The following NMNAT2 variants were observed in gnomAD, a reference collection of about 807,000 sequenced individuals.
NMNAT2 encodes nicotinamide/nicotinic acid mononucleotide adenylyltransferase 2.
In NMNAT2, 11 loss-of-function variants were observed where a neutral mutation model predicts 41.6. That is an observed-to-expected ratio of 0.26 (90% CI 0.17 to 0.44). The LOEUF is 0.44. Ranked by LOEUF, NMNAT2 falls within the 20% of genes least tolerant of loss-of-function variation. The probability of loss-of-function intolerance (pLI) is 1.00; values close to 1 mark genes in which losing one functional copy is unlikely to be tolerated. For missense variants in NMNAT2, 288 were observed against 407.7 expected (o/e 0.71, Z 2.53); for synonymous variants, 148 against 151.2 (o/e 0.98, Z 0.16).
chr1:183,319,033 C>T (rs1185686165), intron 1 of NMNAT2, among the ~76,000 whole-genome samples: 1 of 152,200 alleles, frequency 6.6e-6, no homozygotes, highest in Non-Finnish European at 1.5e-5. Flanking sequence ...TGCAATGCTA[C>T]TGTCTTGTGG....
At chr1:183,287,616 G>C (rs974561308) in intron 4 of NMNAT2, among the ~76,000 whole-genome samples, 9 of 152,224 alleles carry the variant, frequency 5.9e-5, no homozygotes, top group Admixed American at 6.5e-5. Context: ...ATCCCACTGG[G>C]CCAAGGTGAT....
chr1:183,372,695 C>A (rs898693539), intron 1 of NMNAT2, among the ~76,000 whole-genome samples: 1 of 152,142 alleles, frequency 6.6e-6, no homozygotes, highest in Non-Finnish European at 1.5e-5. Flanking sequence ...TCTTTTAAAG[C>A]TAGATAATTT....
At chr1:183,417,275 G>T (rs1190468150) in intron 1 of NMNAT2, among the ~76,000 whole-genome samples, 2 of 151,924 alleles carry the variant, frequency 1.3e-5, no homozygotes, top group Admixed American at 6.6e-5. Flanking sequence ...GCCCCCGCTC[G>T]CTCTCTCTGA....
At chr1:183,417,313 A>C (rs1308644593) in intron 1 of NMNAT2, among the ~76,000 whole-genome samples, 1 of 152,128 alleles carries the variant, frequency 6.6e-6, no homozygotes, top group South Asian at 2.1e-4. Flanking sequence ...TCTAAGAAAC[A>C]AACGCGCGAT....
At chr1:183,285,825 G>T (rs116356337) in intron 5 of NMNAT2, among the ~76,000 whole-genome samples, 1 of 152,082 alleles carries the variant, frequency 6.6e-6, no homozygotes, top group African/African-American at 2.4e-5. Flanking sequence ...AAATAAGAAC[G>T]CAGGTAAAGC....
chr1:183,330,288 G>A (rs906058725), intron 1 of NMNAT2, among the ~76,000 whole-genome samples: 1 of 152,228 alleles, frequency 6.6e-6, no homozygotes, highest in Admixed American at 6.5e-5. Flanking sequence ...CTCTATTTGT[G>A]CATTTGGTAA....
rs1167979959 is a variant in NMNAT2, at chr1:183,273,237, G to A, written c.651+5316C>T. Among the ~76,000 whole-genome samples, 2 of 152,198 alleles carry A rather than the reference G, an allele frequency of 1.3e-5. 1 individual carries two copies. Among genetic ancestry groups the A allele is most frequent in the Admixed American group, 1.3e-4 (2 of 15,280 alleles). On this transcript the variant is annotated intron_variant, in intron 8 of 10. Transcript: ENST00000287713. ...GAGTCTGAGAGCCTACTCTGGCATGGGATGCCGCCTGATTCGTGAATTGTT... is the reference window on the plus strand; with the variant it reads ...GAGTCTGAGAGCCTACTCTGGCATGAGATGCCGCCTGATTCGTGAATTGTT...
chr1:183,408,740 A>G (rs1649031215), intron 1 of NMNAT2, among the ~76,000 whole-genome samples: 1 of 152,242 alleles, frequency 6.6e-6, no homozygotes. Flanking sequence ...CCTGGGGTAT[A>G]ACAAGTAAAT....
rs549690251 is a variant in NMNAT2 at position 183,337,419 on chromosome 1, A to T, written c.86-43626T>A. ...TAAACTTCAAAATCCTCACATCACT[A>T]TTTGATATATTATTTAGTGTTATCA... On this transcript the variant is annotated intron_variant, in intron 1 of 10. Transcript: ENST00000287713. Among the ~76,000 whole-genome samples the T allele has an allele frequency of 4.6e-5, 7 of 152,182 alleles. No homozygotes were observed. The East Asian group carries it at 1.3e-3, about 29-fold the overall frequency.
At chr1:183,306,955 G>A (rs76293603) in intron 1 of NMNAT2, among the ~76,000 whole-genome samples, 4,146 of 152,088 alleles carry the variant, frequency 0.027, 87 homozygotes, top group South Asian at 0.09. Context: ...GCACAGCACC[G>A]GCACTCAGGG....
At chr1:183,315,325 C>G (rs560242133) in intron 1 of NMNAT2, among the ~76,000 whole-genome samples, 1 of 152,208 alleles carries the variant, frequency 6.6e-6, no homozygotes, top group Non-Finnish European at 1.5e-5. Flanking sequence ...AAGAATAGCA[C>G]TAAGTTCACC....
chr1:183,375,736 G>A (rs953153784), intron 1 of NMNAT2, among the ~76,000 whole-genome samples: 4 of 152,186 alleles, frequency 2.6e-5, no homozygotes, highest in Middle Eastern at 3.4e-3. Flanking sequence ...TCCATTGAAC[G>A]AAGAGTCCAT....
At chr1:183,379,285 A>G (rs1010236742) in intron 1 of NMNAT2, among the ~76,000 whole-genome samples, 2 of 151,992 alleles carry the variant, frequency 1.3e-5, no homozygotes, top group South Asian at 2.1e-4. Context: ...GGCTAAAGCA[A>G]TCCTCCTGCC....
At chr1:183,316,480 T>C (rs1294068078) in intron 1 of NMNAT2, among the ~76,000 whole-genome samples, 1 of 152,190 alleles carries the variant, frequency 6.6e-6, no homozygotes, top group African/African-American at 2.4e-5. Context: ...TTTTCTTTCA[T>C]GTCTGTGGAG....
intron 1 of NMNAT2, among the ~76,000 whole-genome samples, chr1:183,410,227 G>A (rs12402878): frequency 0.078 from 11,914 of 151,834 alleles, 507 homozygotes; most frequent in Admixed American, 0.11. Flanking sequence ...GGAGGCTGAG[G>A]CATGAGAATC....
Position 183,286,694 on chromosome 1 carries a change from T to C in NMNAT2, c.416A>G (p.Gln139Arg). ...PQNETPQPIY[Q>R]NSNVATKPTA... ...GGGCTTGGTGGCCACGTTGCTGTTCTGGTAAATGGGCTGGGGGGTCTCGTT... is the reference window on the plus strand; with the variant it reads ...GGGCTTGGTGGCCACGTTGCTGTTCCGGTAAATGGGCTGGGGGGTCTCGTT... Residue 139 changes from glutamine (Q) to arginine (R), a missense_variant, in exon 5 of 11, where the codon CAG becomes CGG. Transcript: ENST00000287713. The C allele has an allele frequency of 6.2e-7, 1 of 1,612,218 alleles. No individual in the cohort carries two copies. The highest frequency in any genetic ancestry group is 8.5e-7 in the Non-Finnish European group (1 of 1,179,196).
chr1:183,351,122 C>T lies in NMNAT2; in HGVS notation c.86-57329G>A, dbSNP rs146847514. Among the ~76,000 whole-genome samples the T allele has an allele frequency of 2.0e-3, 306 of 152,302 alleles. 1 individual carries two copies. The highest frequency in any genetic ancestry group is 4.8e-3 in the Admixed American group (74 of 15,290). ...CTCCAGGTCTTATTCTTTGCTCAGC[C>T]ACTTATATCTTTATCTGTTACTGAT... On this transcript the variant is annotated intron_variant, in intron 1 of 10. Transcript: ENST00000287713.
At chr1:183,384,006 A>T (rs77633474) in intron 1 of NMNAT2, among the ~76,000 whole-genome samples, 3,040 of 152,216 alleles carry the variant, frequency 0.02, 99 homozygotes, top group African/African-American at 0.07. Context: ...CCATTTTCAC[A>T]TTGTTATAAA....
Position 183,383,550 on chromosome 1 carries a change from C to T in NMNAT2, c.85+34633G>A, listed in dbSNP as rs547478299. Among the ~76,000 whole-genome samples the T allele has an allele frequency of 2.0e-5, 3 of 152,314 alleles. No individual in the cohort carries two copies. In the South Asian group the frequency reaches 6.2e-4, roughly 32 times the overall value. ...ATTCCAGTTTCAGATAACCTCTTTG[C>T]TTATGCCTATCACCATACGCTGTTA... On this transcript the variant is annotated intron_variant, in intron 1 of 10. Coordinates refer to ENST00000287713, the MANE Select transcript of NMNAT2 (RefSeq NM_015039.4).
Sources: gnomAD v4.1 joint callset for allele counts (sites outside exome capture counted in the v4.1 genomes callset) on GRCh38, gnomAD v4.1.1 for gene constraint, MANE v1.5 for transcripts, NCBI Gene and HGNC (gene_info 2026-07-23, HGNC 2026-07-21) for gene names.